DCLK1: variants seen among roughly 807,000 people sequenced by gnomAD.
DCLK1 encodes serine/threonine-protein kinase DCLK1.
A neutral mutation model predicts 86.2 loss-of-function variants in DCLK1; 16 were observed. The ratio of observed to expected loss-of-function variants is 0.19; its 90% CI spans 0.13 to 0.28. The LOEUF is 0.28. DCLK1 is among the 10% of genes least tolerant of loss of function. DCLK1 has a pLI of 1.00. For missense variants in DCLK1, 590 were observed against 940.2 expected (o/e 0.63, Z 4.87); for synonymous variants, 369 against 370.5 (o/e 1.00, Z 0.05).
intron 3 of DCLK1, among the ~76,000 whole-genome samples, chr13:36,073,745 T>A (rs1358076490): frequency 1.3e-5 from 2 of 152,132 alleles, no homozygotes; most frequent in Non-Finnish European, 2.9e-5. Flanking sequence ...CCTTAACACT[T>A]ATTTGAAAAA....
At chr13:35,891,239 T>C (rs1593704512) in intron 4 of DCLK1, among the ~76,000 whole-genome samples, 1 of 152,276 alleles carries the variant, frequency 6.6e-6, no homozygotes, top group Middle Eastern at 3.4e-3. Context: ...AGGAATGGCA[T>C]AAATGTTGAA....
intron 3 of DCLK1, among the ~76,000 whole-genome samples, chr13:36,047,889 T>C (rs915462993): frequency 1.3e-5 from 2 of 152,096 alleles, no homozygotes; most frequent in African/African-American, 4.8e-5. Flanking sequence ...CCAGGAGTTC[T>C]TGAGGCTGCA....
At chr13:36,040,497 A>G (rs1882664468) in intron 3 of DCLK1, among the ~76,000 whole-genome samples, 1 of 151,358 alleles carries the variant, frequency 6.6e-6, no homozygotes, top group African/African-American at 2.4e-5. Flanking sequence ...CACTAAGTGC[A>G]TACTGTCAAG....
At chr13:36,018,297 T>C (rs1264394129) in intron 3 of DCLK1, among the ~76,000 whole-genome samples, 2 of 152,156 alleles carry the variant, frequency 1.3e-5, no homozygotes, top group African/African-American at 4.8e-5. Flanking sequence ...ATTCATTTTC[T>C]TTTTTCAATT....
At chr13:35,923,243 C>G (rs1055830759) in intron 4 of DCLK1, among the ~76,000 whole-genome samples, 1 of 152,038 alleles carries the variant, frequency 6.6e-6, no homozygotes, top group Admixed American at 6.5e-5. Flanking sequence ...ACTTTAGAGA[C>G]GGGGGTCTCA....
chr13:36,079,475 C>CA (rs1884336851), intron 3 of DCLK1, among the ~76,000 whole-genome samples: 2 of 151,790 alleles, frequency 1.3e-5, no homozygotes, highest in South Asian at 4.2e-4. Context: ...ATTTAAAATA[C>CA]AAAAAAATTA....
rs112308192 is a variant in DCLK1 at position 35,890,713 on chromosome 13, G to C, written c.824-19373C>G. Among the ~76,000 whole-genome samples, 1,316 of 152,146 alleles carry C rather than the reference G, an allele frequency of 8.6e-3. 16 individuals are homozygous for C. The highest frequency in any genetic ancestry group is 0.029 in the African/African-American group (1,223 of 41,522). On this transcript the variant is annotated intron_variant, in intron 4 of 16. Coordinates refer to ENST00000360631, the MANE Select transcript of DCLK1 (RefSeq NM_001330071.2). ...ATGAGACTGAGCTTCTCCACGCTTT[G>C]ACAACACTTTCCTTACCTGTTTGAG...
Position 35,804,245 on chromosome 13 carries a change from C to T in DCLK1, c.1944+1454G>A, listed in dbSNP as rs146722656. Among the ~76,000 whole-genome samples the T allele has an allele frequency of 1.6e-3, 250 of 152,042 alleles. 1 individual carries two copies. The highest frequency in any genetic ancestry group is 3.5e-3 in the African/African-American group (145 of 41,438). On this transcript the variant is annotated intron_variant, in intron 15 of 16. Coordinates refer to ENST00000360631, the MANE Select transcript of DCLK1 (RefSeq NM_001330071.2). ...TCCTGGGTTCAAGTGATTCTACTGC[C>T]TCAGCCTCCCGAGTAGCTGGGATTA...
intron 3 of DCLK1, among the ~76,000 whole-genome samples, chr13:35,964,290 T>C (rs1007078881): frequency 3.3e-5 from 5 of 152,300 alleles, no homozygotes; most frequent in Non-Finnish European, 4.4e-5. Flanking sequence ...TTTGGAGAAT[T>C]TGTAATATAG....
chr13:36,104,213 C>A (rs569165632), intron 3 of DCLK1, among the ~76,000 whole-genome samples: 1 of 152,098 alleles, frequency 6.6e-6, no homozygotes, highest in Admixed American at 6.5e-5. Flanking sequence ...GGCCATGACC[C>A]GTAAGGACCT....
At chr13:36,046,505 A>G (rs1882920033) in intron 3 of DCLK1, among the ~76,000 whole-genome samples, 1 of 152,220 alleles carries the variant, frequency 6.6e-6, no homozygotes, top group South Asian at 2.1e-4. Context: ...TTGAAATTTC[A>G]TTAACCCTTT....
In DCLK1 at chr13:36,100,205, AAAAAAAAAC is replaced by A. The variant is rs1472126924; in HGVS notation, c.723+11655_723+11663del. 5.1e-4 allele frequency among the ~76,000 whole-genome samples: 49 copies of A among 95,374 alleles called. 1 individual carries two copies. Among genetic ancestry groups the A allele is most frequent in the East Asian group, 1.7e-3 (3 of 1,764 alleles). The allele number at this position is 95,374 out of a possible 152,430, so 62.6% of individuals were successfully genotyped here. ...AAAAAAAAAAAAAAAAAAAAAAAAA[AAAAAAAAAC>A]CACACACACACAAAATTAGCCAGGC... On this transcript the variant is annotated intron_variant, in intron 3 of 16. Coordinates refer to ENST00000360631, the MANE Select transcript of DCLK1 (RefSeq NM_001330071.2).
intron 7 of DCLK1, among the ~76,000 whole-genome samples, chr13:35,836,371 C>T (rs1327844624): frequency 1.8e-4 from 28 of 152,190 alleles, no homozygotes; most frequent in Admixed American, 1.8e-3. Context: ...CCACTCCCAC[C>T]TATATAAGAG....
chr13:35,875,921 C>T (rs947802917), intron 4 of DCLK1, among the ~76,000 whole-genome samples: 1 of 152,088 alleles, frequency 6.6e-6, no homozygotes, highest in Non-Finnish European at 1.5e-5. Context: ...GCATCAGAAC[C>T]CAACTCTCTT....
chr13:35,915,196 G>A (rs555344579), intron 4 of DCLK1, among the ~76,000 whole-genome samples: 41 of 152,262 alleles, frequency 2.7e-4, no homozygotes, highest in Non-Finnish European at 5.4e-4. Flanking sequence ...GCAGATTGAA[G>A]AAATAAAAAA....
chr13:36,097,922 A>T (rs1243130495), intron 3 of DCLK1, among the ~76,000 whole-genome samples: 1 of 152,120 alleles, frequency 6.6e-6, no homozygotes. Flanking sequence ...GTCAGATATG[A>T]CACTGTGGTT....
chr13:35,937,186 A>C (rs1876811133), intron 4 of DCLK1, among the ~76,000 whole-genome samples: 1 of 150,932 alleles, frequency 6.6e-6, no homozygotes, highest in African/African-American at 2.4e-5. Flanking sequence ...TGCTGGCCAG[A>C]ATGGTCTCGA....
At chr13:35,793,625 T>G (rs756375140) in intron 15 of DCLK1, 146 bp from the exon 16 acceptor site, 11 of 549,126 alleles carry the variant, frequency 2.0e-5, no homozygotes, top group Non-Finnish European at 3.1e-5. Flanking sequence ...CATTAAACAC[T>G]ATTGTTGGAA....
intron 3 of DCLK1, among the ~76,000 whole-genome samples, chr13:35,964,033 T>C (rs1566623768): frequency 6.6e-6 from 1 of 152,204 alleles, no homozygotes; most frequent in Non-Finnish European, 1.5e-5. Flanking sequence ...GAAATAGTAG[T>C]TAAATTATTA....
Sources: allele counts gnomAD v4.1 joint callset (sites outside exome capture counted in the v4.1 genomes callset), GRCh38; gene constraint gnomAD v4.1.1; transcripts MANE v1.5; gene names NCBI Gene and HGNC (gene_info 2026-07-23, HGNC 2026-07-21).